Variants in MCTP1 observed in about 807,000 individuals in gnomAD.
MCTP1 encodes multiple C2 and transmembrane domain-containing protein 1.
MCTP1 carries 69 observed loss-of-function variants against 120.6 expected under a neutral mutation model. The observed-to-expected ratio is 0.57, with a 90% CI of 0.47 to 0.70. MCTP1 has a LOEUF of 0.70. Ranked by LOEUF, MCTP1 falls within the 30% of genes least tolerant of loss-of-function variation. The probability of loss-of-function intolerance (pLI) is 0.00; values close to 1 mark genes in which losing one functional copy is unlikely to be tolerated. For missense variants in MCTP1, 1,203 were observed against 1,248.8 expected (o/e 0.96, Z 0.55); for synonymous variants, 529 against 493.1 (o/e 1.07, Z -0.96).
intron 1 of MCTP1, among the ~76,000 whole-genome samples, chr5:95,084,834 T>C (rs1207497038): frequency 6.6e-6 from 1 of 152,194 alleles, no homozygotes; most frequent in Non-Finnish European, 1.5e-5. Context: ...TTAGGTATGC[T>C]CATCACATCT....
chr5:94,954,505 T>C (rs293043), intron 2 of MCTP1, among the ~76,000 whole-genome samples: 5,322 of 152,142 alleles, frequency 0.035, 141 homozygotes, highest in East Asian at 0.087. Flanking sequence ...ACTTTACCAC[T>C]ATGCAATACA....
At chr5:95,253,315 C>G (rs777724542) in intron 1 of MCTP1, among the ~76,000 whole-genome samples, 5 of 152,098 alleles carry the variant, frequency 3.3e-5, no homozygotes, top group Non-Finnish European at 7.4e-5. Flanking sequence ...CCCACATACT[C>G]TGTAAGAACA....
At chr5:95,020,263 T>C (rs1252553787) in intron 1 of MCTP1, among the ~76,000 whole-genome samples, 5 of 152,054 alleles carry the variant, frequency 3.3e-5, no homozygotes, top group Admixed American at 3.3e-4. Flanking sequence ...TATCAGGTTT[T>C]ATATTTTCAA....
intron 1 of MCTP1, among the ~76,000 whole-genome samples, chr5:95,145,128 C>T (rs968948490): frequency 7.2e-5 from 11 of 151,898 alleles, no homozygotes; most frequent in Non-Finnish European, 1.2e-4. Flanking sequence ...TGTTTAGATG[C>T]ATTCTTAGAT....
At chr5:95,161,197 T>A (rs1290890001) in intron 1 of MCTP1, among the ~76,000 whole-genome samples, 3 of 152,128 alleles carry the variant, frequency 2.0e-5, no homozygotes, top group African/African-American at 4.8e-5. Context: ...AACCTAGGTG[T>A]CCATCATCAG....
At chr5:95,188,684 A>T (rs1749502132) in intron 1 of MCTP1, among the ~76,000 whole-genome samples, 1 of 152,132 alleles carries the variant, frequency 6.6e-6, no homozygotes, top group African/African-American at 2.4e-5. Flanking sequence ...GGGGTTGGGG[A>T]TGGAGGAGAT....
At chr5:94,824,286 CATTTATTGAGCT>C (rs1044936796) in intron 17 of MCTP1, among the ~76,000 whole-genome samples, 1 of 152,080 alleles carries the variant, frequency 6.6e-6, no homozygotes, top group Non-Finnish European at 1.5e-5. Flanking sequence ...GCCTTTTCTC[CATTTATTGAGCT>C]AATCATGTGG....
At chr5:95,039,238 T>A (rs538235905) in intron 1 of MCTP1, among the ~76,000 whole-genome samples, 12 of 152,196 alleles carry the variant, frequency 7.9e-5, no homozygotes, top group Non-Finnish European at 2.9e-5. Context: ...AAAAACAGAT[T>A]AGTATCTAAT....
chr5:95,256,797 C>T (rs1257344682), intron 1 of MCTP1, among the ~76,000 whole-genome samples: 2 of 152,168 alleles, frequency 1.3e-5, no homozygotes, highest in East Asian at 3.9e-4. Flanking sequence ...GGTGGTAAAG[C>T]AGGATCCAAA....
chr5:94,798,743 C>T (rs1780584606), intron 18 of MCTP1, among the ~76,000 whole-genome samples: 2 of 152,118 alleles, frequency 1.3e-5, no homozygotes, highest in Non-Finnish European at 2.9e-5. Flanking sequence ...TTTGAAGTAG[C>T]ACCCATTTAT....
chr5:94,810,462 C>G (rs1346419399), intron 17 of MCTP1, among the ~76,000 whole-genome samples: 1 of 152,128 alleles, frequency 6.6e-6, no homozygotes, highest in Non-Finnish European at 1.5e-5. Flanking sequence ...ACTTCAGTTG[C>G]TCATGGGGGG....
intron 1 of MCTP1, among the ~76,000 whole-genome samples, chr5:95,272,227 A>T (rs557558876): frequency 2.5e-3 from 379 of 152,326 alleles, no homozygotes; most frequent in Non-Finnish European, 4.5e-3. Flanking sequence ...ACATCATAGG[A>T]GTCAATTATT....
At chr5:95,107,230 T>C (rs1311927237) in intron 1 of MCTP1, among the ~76,000 whole-genome samples, 2 of 152,208 alleles carry the variant, frequency 1.3e-5, no homozygotes, top group Non-Finnish European at 2.9e-5. Context: ...TCCGAAAATA[T>C]ATGAGGAAAC....
At chr5:95,171,771 A>G (rs1747331414) in intron 1 of MCTP1, among the ~76,000 whole-genome samples, 1 of 151,962 alleles carries the variant, frequency 6.6e-6, no homozygotes, top group Non-Finnish European at 1.5e-5. Context: ...CAGGTCATTT[A>G]AGGACTTCTC....
At chr5:94,743,473 C>T (rs1387375322) in intron 19 of MCTP1, among the ~76,000 whole-genome samples, 5 of 152,114 alleles carry the variant, frequency 3.3e-5, no homozygotes, top group African/African-American at 1.2e-4. Context: ...CAGGTGCCAA[C>T]AAGGAGCTAT....
At chr5:95,058,569 C>T (rs963426520) in intron 1 of MCTP1, among the ~76,000 whole-genome samples, 6 of 152,106 alleles carry the variant, frequency 3.9e-5, no homozygotes, top group African/African-American at 1.4e-4. Flanking sequence ...TCAAATGAAA[C>T]GCTGTATGGG....
intron 2 of MCTP1, among the ~76,000 whole-genome samples, chr5:94,968,179 A>G (rs1826019986): frequency 6.6e-6 from 1 of 152,214 alleles, no homozygotes; most frequent in Admixed American, 6.5e-5. Context: ...TTAGCAAGAT[A>G]TTATCTGATG....
chr5:95,259,429 T>C (rs1758244528), intron 1 of MCTP1, among the ~76,000 whole-genome samples: 1 of 152,184 alleles, frequency 6.6e-6, no homozygotes, highest in Non-Finnish European at 1.5e-5. Flanking sequence ...AGATTCCATA[T>C]AGCCCCCCAC....
At chr5:94,952,455 T>C (rs1219209257) in intron 3 of MCTP1, among the ~76,000 whole-genome samples, 1 of 152,132 alleles carries the variant, frequency 6.6e-6, no homozygotes, top group Non-Finnish European at 1.5e-5. Context: ...TGCCTAGTGA[T>C]TGCTGAAAGA....
Sources: allele counts gnomAD v4.1 joint callset (sites outside exome capture counted in the v4.1 genomes callset), GRCh38; gene constraint gnomAD v4.1.1; transcripts MANE v1.5; gene names NCBI Gene and HGNC (gene_info 2026-07-23, HGNC 2026-07-21).